GRK6: variants seen among roughly 807,000 people sequenced by gnomAD.
GRK6 encodes the protein G protein-coupled receptor kinase 6.
GRK6 carries 37 observed loss-of-function variants against 80.8 expected under a neutral mutation model. The observed-to-expected ratio is 0.46, with a 90% CI of 0.35 to 0.60. The LOEUF is 0.60. Among genes scored for constraint, GRK6 ranks in the 20% least tolerant of loss-of-function variants. GRK6 has a pLI of 0.00. For missense variants in GRK6, 560 were observed against 784.6 expected (o/e 0.71, Z 3.42); for synonymous variants, 295 against 320.9 (o/e 0.92, Z 0.86).
intron 1 of GRK6, among the ~76,000 whole-genome samples, chr5:177,427,561 G>T (rs2127368669): frequency 6.6e-6 from 1 of 152,308 alleles, no homozygotes. Flanking sequence ...CAGTCTGGTG[G>T]ACCGAGTGTG....
chr5:177,430,022 T>G (rs779697632), intron 1 of GRK6, among the ~76,000 whole-genome samples: 46 of 37,186 alleles, frequency 1.2e-3, no homozygotes, highest in Non-Finnish European at 2.5e-3. Context: ...CTGCAGTGAG[T>G]TTTTTTTTTT....
chr5:177,441,706 C>T (rs1224798379), intron 15 of GRK6, 31 bp from the exon 16 acceptor site: 7 of 1,561,898 alleles, frequency 4.5e-6, no homozygotes, highest in Non-Finnish European at 6.2e-6. Context: ...CTGCCTCTCT[C>T]CCTCCCTCCG....
chr5:177,438,760 C>T (rs928818712), intron 13 of GRK6: 3 of 152,206 alleles, frequency 2.0e-5, no homozygotes, highest in African/African-American at 7.2e-5. Context: ...GGGCTACTGC[C>T]CTGAGTGACT....
chr5:177,436,333 T>TTCCC (rs777321208), intron 12 of GRK6, 52 bp downstream of exon 12: 1 of 1,605,896 alleles, frequency 6.2e-7, no homozygotes, highest in East Asian at 2.2e-5. Flanking sequence ...GGATGCACCT[T>TTCCC]TCCCTCCCTC....
Position 177,440,785 on chromosome 5 carries a change from A to G in GRK6, c.1490A>G (p.Asp497Gly). ...KGVELEPTDQ[D>G]FYQKFATGSV... is the part of the protein sequence containing the mutation. ...GTGGAGCTGGAGCCTACCGACCAGG[A>G]CTTCTACCAGAAGTTTGCCACAGGC... Residue 497 changes from aspartate to glycine, a missense_variant, in exon 14 of 16, where the codon GAC becomes GGC. Asp to Gly is a moderately conservative substitution (Grantham distance 94). This residue lies in a region of GRK6 where 294 missense variants were observed against 397.4 expected (regional missense o/e 0.74). Coordinates refer to ENST00000355472, the MANE Select transcript of GRK6 (RefSeq NM_001004106.3). The G allele has an allele frequency of 6.2e-7, 1 of 1,614,150 alleles. No homozygotes were observed. Among genetic ancestry groups the G allele is most frequent in the Non-Finnish European group, 8.5e-7 (1 of 1,180,028 alleles).
Position 177,436,503 on chromosome 5 carries a change from C to A in GRK6, c.1377C>A (p.Gly459=), listed in dbSNP as rs1183229315. ...TGAACTTCAAGCGGCTGGGAGCTGGCATGCTGGAGCCGCCGTTCAAGCCTG... is the reference window on the plus strand; with the variant it reads ...TGAACTTCAAGCGGCTGGGAGCTGGAATGCTGGAGCCGCCGTTCAAGCCTG... ...KKLNFKRLGA[G]MLEPPFKPDP... is the part of the protein sequence containing the mutation. The change falls in exon 13 of 16, where the codon GGC becomes GGA. Residue 459 remains glycine (G), a synonymous_variant. Coordinates refer to ENST00000355472, the MANE Select transcript of GRK6 (RefSeq NM_001004106.3). 2 of 1,605,658 alleles carry A rather than the reference C, an allele frequency of 1.2e-6. No homozygotes were observed. The highest frequency in any genetic ancestry group is 1.1e-5 in the South Asian group (1 of 89,766).
chr5:177,441,275 GC>G, intron 15 of GRK6: 1 of 1,561,660 alleles, frequency 6.4e-7, no homozygotes, highest in East Asian at 2.4e-5. Context: ...CCGTGGGTTG[GC>G]CTTGCTGCCT....
chr5:177,441,233 T>C, intron 15 of GRK6, 180 bp downstream of exon 15: 1 of 1,554,802 alleles, frequency 6.4e-7, no homozygotes, highest in Non-Finnish European at 8.8e-7. Context: ...ATGGCCTCTT[T>C]TCTCTTTCCA....
Position 177,442,033 on chromosome 5 carries a change from GTATT to G in GRK6, c.*247_*250del. Reference sequence around the variant, plus strand: ...TTCTCCGTGGAGCTCGGGGCTTTCTGTATTTATGTATTTGTACGAATGTATATAG... The same window carrying G: ...TTCTCCGTGGAGCTCGGGGCTTTCTGTATGTATTTGTACGAATGTATATAG... On this transcript the variant is annotated 3_prime_UTR_variant, in exon 16 of 16. Transcript: ENST00000355472. 2 of 557,986 alleles carry G rather than the reference GTATT, an allele frequency of 3.6e-6. No individual in the cohort carries two copies. The highest frequency in any genetic ancestry group is 2.3e-5 in the South Asian group (1 of 44,210). The allele number at this position is 557,986 out of a possible 1,614,324, so 34.6% of individuals were successfully genotyped here.
In GRK6 at chr5:177,440,856, G is replaced by A; in HGVS notation, c.1542+19G>A. ...GAACGAGGTGGGGGCCTGCCCTGCT[G>A]GTGGGGTGGGCTCCAGGAGGCTGCC... is the stretch of plus-strand genomic sequence containing the variant. On this transcript the variant is annotated intron_variant, in intron 14 of 15. Coordinates refer to ENST00000355472, the MANE Select transcript of GRK6 (RefSeq NM_001004106.3). The A allele has an allele frequency of 1.2e-6, 2 of 1,613,870 alleles. No individual in the cohort carries two copies. The highest frequency in any genetic ancestry group is 1.7e-6 in the Non-Finnish European group (2 of 1,179,888).
chr5:177,441,273 T>A (rs1764484392), intron 15 of GRK6: 1 of 1,562,352 alleles, frequency 6.4e-7, no homozygotes, highest in African/African-American at 1.4e-5. Context: ...CCCCGTGGGT[T>A]GGCCTTGCTG....
intron 15 of GRK6, chr5:177,441,396 T>C: frequency 1.0e-6 from 1 of 981,676 alleles, no homozygotes; most frequent in Non-Finnish European, 1.5e-6. Context: ...CCCTGCACCC[T>C]GGCCCCTTCG....
chr5:177,436,230 C>G lies in GRK6; in HGVS notation c.1215C>G (p.Pro405=). ...EEVERLVKEV[P]EEYSERFSPQ... ...TGGAGCGGCTGGTGAAGGAGGTCCC[C>G]GAGGAGTATTCCGAGCGCTTTTCCC... The change falls in exon 12 of 16, where the codon CCC becomes CCG. Residue 405 remains proline, a synonymous_variant. Transcript: ENST00000355472. 1 of 1,614,150 alleles carries G rather than the reference C, an allele frequency of 6.2e-7. No homozygotes were observed. The highest frequency in any genetic ancestry group is 8.5e-7 in the Non-Finnish European group (1 of 1,180,024).
At chr5:177,433,820 CCCAAGGAGTGGCA>C in intron 8 of GRK6, 81 bp from the exon 9 acceptor site, 1 of 1,490,970 alleles carries the variant, frequency 6.7e-7, no homozygotes, top group African/African-American at 1.4e-5. Context: ...GCAGGCTGGG[CCCAAGGAGTGGCA>C]CCGAGAAGGC....
In GRK6 at chr5:177,430,469, C is replaced by T. The variant is rs565696313; in HGVS notation, c.53-403C>T. Among the ~76,000 whole-genome samples, 7 of 152,310 alleles carry T rather than the reference C, an allele frequency of 4.6e-5. No homozygotes were observed. The East Asian group carries it at 1.3e-3, about 29-fold the overall frequency. On this transcript the variant is annotated intron_variant, in intron 1 of 15. Transcript: ENST00000355472. Reference sequence around the variant, plus strand: ...CTCCTTGTCCCCATGCTGCCCTGTGCGTCTCTCAGGCCTGCCCCACTGGCC... The same window carrying T: ...CTCCTTGTCCCCATGCTGCCCTGTGTGTCTCTCAGGCCTGCCCCACTGGCC...
In GRK6 at chr5:177,429,873, C is replaced by T. The variant is rs1300483747; in HGVS notation, c.53-999C>T. Among the ~76,000 whole-genome samples, 2 of 152,202 alleles carry T rather than the reference C, an allele frequency of 1.3e-5. No individual in the cohort carries two copies. The highest frequency in any genetic ancestry group is 2.9e-5 in the Non-Finnish European group (2 of 68,038). ...ACACACATGGAGAAGCTGAGGTTCA[C>T]AGATAGCGAGTGATGGGCCACAGTG... On this transcript the variant is annotated intron_variant, in intron 1 of 15. Coordinates refer to ENST00000355472, the MANE Select transcript of GRK6 (RefSeq NM_001004106.3). This position sits in a 1 kb window ranked among gnomAD's most constrained non-coding sequence, Gnocchi z 4.3.
intron 13 of GRK6, among the ~76,000 whole-genome samples, chr5:177,439,514 T>C (rs1216950222): frequency 2.1e-5 from 3 of 144,802 alleles, no homozygotes; most frequent in African/African-American, 5.2e-5. Context: ...CACTCCAGGC[T>C]GGGCAACAAG....
rs751603306 is a variant in GRK6, at chr5:177,431,996, G to A, written c.150G>A (p.Glu50=). ...SQCEELRLSL[E]RDYHSLCERQ... Reference sequence around the variant, plus strand: ...AGCAGCTTCCATCACTGCCAACAGAGCGTGACTATCACAGCCTGTGCGAGC... The same window carrying A: ...AGCAGCTTCCATCACTGCCAACAGAACGTGACTATCACAGCCTGTGCGAGC... The change falls in exon 3 of 16, where the codon GAG becomes GAA. Residue 50 remains glutamate, a splice_region_variant and synonymous_variant. Coordinates refer to ENST00000355472, the MANE Select transcript of GRK6 (RefSeq NM_001004106.3). 1.5e-5 allele frequency: 24 copies of A among 1,612,824 alleles called. No homozygotes were observed. Among genetic ancestry groups the A allele is most frequent in the Non-Finnish European group, 1.9e-5 (23 of 1,179,680 alleles).
rs1339160785 is a variant in GRK6 at position 177,436,482 on chromosome 5, C to T, written c.1356C>T (p.Asn452=). 1.2e-5 allele frequency: 20 copies of T among 1,610,420 alleles called. No homozygotes were observed. Among genetic ancestry groups the T allele is most frequent in the Non-Finnish European group, 1.7e-5 (20 of 1,178,530 alleles). Reference sequence around the variant, plus strand: ...AGCACCCCCTCTTTAAGAAGCTGAACTTCAAGCGGCTGGGAGCTGGCATGC... The same window carrying T: ...AGCACCCCCTCTTTAAGAAGCTGAATTTCAAGCGGCTGGGAGCTGGCATGC... ...VKEHPLFKKL[N]FKRLGAGMLE... The change falls in exon 13 of 16, where the codon AAC becomes AAT. Residue 452 remains asparagine, a synonymous_variant. Transcript: ENST00000355472.
Sources: allele counts gnomAD v4.1 joint callset (sites outside exome capture counted in the v4.1 genomes callset), GRCh38; gene constraint gnomAD v4.1.1; regional missense constraint gnomAD v4.1.1; non-coding constraint Gnocchi (gnomAD v3.1); transcripts MANE v1.5; gene names NCBI Gene and HGNC (gene_info 2026-07-23, HGNC 2026-07-21).